The following CPNE6 variants were observed in gnomAD, a reference collection of about 807,000 sequenced individuals.
CPNE6 encodes copine-6.
CPNE6 carries 33 observed loss-of-function variants against 71.5 expected under a neutral mutation model. The observed-to-expected ratio is 0.46, with a 90% CI of 0.35 to 0.62. The LOEUF is 0.62. Ranked by LOEUF, CPNE6 falls within the 20% of genes least tolerant of loss-of-function variation. The pLI is 0.00. For missense variants in CPNE6, 576 were observed against 747.3 expected (o/e 0.77, Z 2.67); for synonymous variants, 296 against 293.0 (o/e 1.01, Z -0.10).
exon 2 of CPNE6, chr14:24,071,623 C>T (rs1238107105): frequency 8.6e-6 from 10 of 1,165,336 alleles, no homozygotes; most frequent in Non-Finnish European, 1.2e-5. Context: ...GAGAGAGGAG[C>T]CCCCGACCGA....
Position 24,073,272 on chromosome 14 carries a change from AC to A in CPNE6, c.168+171del. Among the ~76,000 whole-genome samples, 1 of 152,174 alleles carries A rather than the reference AC, an allele frequency of 6.6e-6. No homozygotes were observed. The highest frequency in any genetic ancestry group is 1.5e-5 in the Non-Finnish European group (1 of 67,990). ...GGTGTCCCAGAGGGTCCTGAGATTG[AC>A]CCAGAGGCAGTGGGGTTGCTCCCAA... On this transcript the variant is annotated intron_variant, in intron 3 of 17. Coordinates refer to ENST00000397016, the Ensembl canonical transcript of CPNE6. This position sits in a 1 kb window ranked among gnomAD's most constrained non-coding sequence, Gnocchi z 5.5.
Position 24,077,818 on chromosome 14 carries a change from C to A in CPNE6, c.*37+51C>A. 1 of 1,371,538 alleles carries A rather than the reference C, an allele frequency of 7.3e-7. No individual in the cohort carries two copies. The highest frequency in any genetic ancestry group is 9.6e-7 in the Non-Finnish European group (1 of 1,043,290). The allele number at this position is 1,371,538 out of a possible 1,614,324, so 85.0% of individuals were successfully genotyped here. On this transcript the variant is annotated intron_variant, in intron 17 of 17. Transcript: ENST00000397016. The surrounding 1 kb of genome is among the most constrained non-coding windows in gnomAD (Gnocchi z 6.1). Reference sequence around the variant, plus strand: ...TGGACACAGGGGGTGCAAAGTGGGGCTTGGTAGAGCCCAACTAGGCTGGGT... The same window carrying A: ...TGGACACAGGGGGTGCAAAGTGGGGATTGGTAGAGCCCAACTAGGCTGGGT...
rs1183852709 is a variant in CPNE6, at chr14:24,077,399, C to T, written c.1536+9C>T. 1 of 1,611,960 alleles carries T rather than the reference C, an allele frequency of 6.2e-7. No individual in the cohort carries two copies. Among genetic ancestry groups the T allele is most frequent in the African/African-American group, 1.3e-5 (1 of 74,832 alleles). On this transcript the variant is annotated intron_variant, in intron 16 of 17. Transcript: ENST00000397016. This position sits in a 1 kb window ranked among gnomAD's most constrained non-coding sequence, Gnocchi z 6.1. ...TCCGAGACTTCAAGGATGTGAGTCC[C>T]CCGGGCCCCTTCCGGCTGAAGGACT...
chr14:24,071,780 G>A (rs918645480), intron 2 of CPNE6, 139 bp downstream of exon 1: 51 of 552,992 alleles, frequency 9.2e-5, no homozygotes, highest in Middle Eastern at 4.6e-4. Context: ...TGCCTATCTC[G>A]GGGACCCCCA....
rs1163496021 is a variant in CPNE6, at chr14:24,074,411, G to C, written c.498+46G>C. The C allele has an allele frequency of 1.9e-6, 3 of 1,553,806 alleles. No individual in the cohort carries two copies. The East Asian group carries it at 6.8e-5, about 35-fold the overall frequency. ...GCCCCCAACTCCCCTGTCACTCCTA[G>C]GCCTCCCACTCAAGACAGATCCCAG... On this transcript the variant is annotated intron_variant, in intron 6 of 17. Coordinates refer to ENST00000397016, the Ensembl canonical transcript of CPNE6. The surrounding 1 kb of genome is among the most constrained non-coding windows in gnomAD (Gnocchi z 4.5).
rs372732697 is a variant in CPNE6 at position 24,071,501 on chromosome 14, G to GCC, written c.-119-18_-119-17dup. 197 of 1,417,516 alleles carry GCC rather than the reference G, an allele frequency of 1.4e-4. 1 individual carries two copies. In the East Asian group the frequency reaches 3.1e-3, roughly 22 times the overall value. 87.8% of individuals were successfully genotyped at this position (1,417,516 alleles called of 1,614,324 possible). A position where few individuals can be genotyped will look rare whatever the true frequency, so the allele number is the denominator to read the frequency against. Reference sequence around the variant, plus strand: ...TCCACGCGGGGGGAGCTGGTGCTGCGCCCCCCCCCACCCCTCCCCATCCAG... The same window carrying GCC: ...TCCACGCGGGGGGAGCTGGTGCTGCGCCCCCCCCCCCACCCCTCCCCATCCAG... On this transcript the variant is annotated intron_variant, in intron 1 of 17. Coordinates refer to ENST00000397016, the Ensembl canonical transcript of CPNE6.
Position 24,073,208 on chromosome 14 carries a change from T to C in CPNE6, c.168+104T>C. 7.8e-7 allele frequency: 1 copy of C among 1,276,626 alleles called. No homozygotes were observed. Among genetic ancestry groups the C allele is most frequent in the African/African-American group, 1.5e-5 (1 of 65,044 alleles). The allele number at this position is 1,276,626 out of a possible 1,614,324, so 79.1% of individuals were successfully genotyped here. A position where few individuals can be genotyped will look rare whatever the true frequency, so the allele number is the denominator to read the frequency against. On this transcript the variant is annotated intron_variant, in intron 3 of 17. Coordinates refer to ENST00000397016, the Ensembl canonical transcript of CPNE6. The surrounding 1 kb of genome is among the most constrained non-coding windows in gnomAD (Gnocchi z 5.5). ...GCCTTGCAGGGAAATGTGTGGACTC[T>C]GCGGCGCCTTCTCGAGGCCGCTTGG...
chr14:24,071,444 C>T (rs2035893649), intron 1 of CPNE6, 118 bp from the exon 1 acceptor site: 1 of 1,500,272 alleles, frequency 6.7e-7, no homozygotes, highest in African/African-American at 1.4e-5. Context: ...AGGCTGTGGC[C>T]CTGCCCCTTC....
chr14:24,072,826 C>CT, intron 2 of CPNE6, 107 bp from the exon 2 acceptor site: 2 of 1,069,206 alleles, frequency 1.9e-6, no homozygotes, highest in Non-Finnish European at 2.5e-6. Context: ...GCCCCAGGGT[C>CT]TAGGGAAGGA....
At position 24,073,100 on chromosome 14, in the gene CPNE6, T is replaced by C; in HGVS notation, c.164T>C (p.Val55Ala). The C allele has an allele frequency of 1.4e-6, 2 of 1,456,562 alleles. No homozygotes were observed. The highest frequency in any genetic ancestry group is 1.5e-5 in the South Asian group (1 of 67,278). The allele number at this position is 1,456,562 out of a possible 1,614,324, so 90.2% of individuals were successfully genotyped here. The change falls in exon 3 of 18, where the codon GTG (valine) becomes GCG (alanine). Residue 55 changes from valine to alanine, a missense_variant. Physicochemically the swap from Val to Ala is moderately conservative, Grantham distance 64 (BLOSUM62 0). Coordinates refer to ENST00000397016, the Ensembl canonical transcript of CPNE6. This position sits in a 1 kb window ranked among gnomAD's most constrained non-coding sequence, Gnocchi z 5.5. The stretch of plus-strand genomic sequence containing the variant: ...AAGCTCTACTCTGATGAGCAGTGGG[T>C]GGAGGTGAGAGCAGCTCAGGTTTCT...
At position 24,073,686 on chromosome 14, in the gene CPNE6, T is replaced by C. The variant is rs761363241; in HGVS notation, c.348+8T>C. The C allele has an allele frequency of 1.2e-6, 2 of 1,608,672 alleles. No individual in the cohort carries two copies. Among genetic ancestry groups the C allele is most frequent in the East Asian group, 4.5e-5 (2 of 44,792 alleles). The stretch of plus-strand genomic sequence containing the variant: ...GAGTGCACCTTGGGCCAGGTCTGCA[T>C]TCCCGGCCTCCCCGGCTACCCTACC... On this transcript the variant is annotated splice_region_variant and intron_variant, in intron 4 of 17. Transcript: ENST00000397016. The surrounding 1 kb of genome is among the most constrained non-coding windows in gnomAD (Gnocchi z 5.5).
In CPNE6 at chr14:24,074,320, C is replaced by T. The variant is rs778919827; in HGVS notation, c.453C>T (p.Asn151=). The stretch of plus-strand genomic sequence containing the variant: ...TGGCCGAGGAGGTATCAGGCACAAA[C>T]GACTATGTGCAACTCACCTTCAGAG... The change falls in exon 6 of 18, where the codon AAC becomes AAT. Residue 151 remains asparagine, a synonymous_variant. Coordinates refer to ENST00000397016, the Ensembl canonical transcript of CPNE6. This position sits in a 1 kb window ranked among gnomAD's most constrained non-coding sequence, Gnocchi z 4.5. 82 of 1,569,760 alleles carry T rather than the reference C, an allele frequency of 5.2e-5. No homozygotes were observed. Among genetic ancestry groups the T allele is most frequent in the Non-Finnish European group, 6.2e-5 (72 of 1,156,440 alleles).
Position 24,074,689 on chromosome 14 carries a change from C to G in CPNE6, c.583-17C>G, listed in dbSNP as rs375598302. On this transcript the variant is annotated splice_polypyrimidine_tract_variant and intron_variant, in intron 7 of 17. Transcript: ENST00000397016. This position sits in a 1 kb window ranked among gnomAD's most constrained non-coding sequence, Gnocchi z 4.5. The stretch of plus-strand genomic sequence containing the variant: ...GACACAGACAGGAGCTGACCAGCCA[C>G]CTGGTGCCTCTCCAAGGTGGTGAAG... The G allele has an allele frequency of 6.2e-7, 1 of 1,614,036 alleles. No individual in the cohort carries two copies. The highest frequency in any genetic ancestry group is 8.5e-7 in the Non-Finnish European group (1 of 1,179,918).
At position 24,075,983 on chromosome 14, in the gene CPNE6, G is replaced by A. The variant is rs1373109007; in HGVS notation, c.924+97G>A. On this transcript the variant is annotated intron_variant, in intron 11 of 17. Coordinates refer to ENST00000397016, the Ensembl canonical transcript of CPNE6. The surrounding 1 kb of genome is among the most constrained non-coding windows in gnomAD (Gnocchi z 4.3). ...AATCTCCACTGCCCCAACTTGGGCT[G>A]CTCATGAGCCTTCGCATTGTCAGCT... 5 of 1,533,212 alleles carry A rather than the reference G, an allele frequency of 3.3e-6. No individual in the cohort carries two copies. The highest frequency in any genetic ancestry group is 4.5e-6 in the Non-Finnish European group (5 of 1,111,088). The allele number at this position is 1,533,212 out of a possible 1,614,324, so 95.0% of individuals were successfully genotyped here.
chr14:24,076,089 G>T, intron 11 of CPNE6, 60 bp from the exon 11 acceptor site: 1 of 1,594,938 alleles, frequency 6.3e-7, no homozygotes, highest in Non-Finnish European at 8.6e-7. Context: ...CCCAGCTCTG[G>T]CCTAGGCAAT....
Position 24,075,765 on chromosome 14 carries a change from C to A in CPNE6, c.865-62C>A. The A allele has an allele frequency of 6.5e-7, 1 of 1,534,214 alleles. No individual in the cohort carries two copies. Among genetic ancestry groups the A allele is most frequent in the Non-Finnish European group, 9.0e-7 (1 of 1,109,122 alleles). ...CCCCATGTTCCCCACAGAAGCCCTA[C>A]CCAAGCTCCCTCCTCAAAGGACCAC... On this transcript the variant is annotated intron_variant, in intron 10 of 17. Coordinates refer to ENST00000397016, the Ensembl canonical transcript of CPNE6. The surrounding 1 kb of genome is among the most constrained non-coding windows in gnomAD (Gnocchi z 4.3).
At chr14:24,076,918 C>A in exon 15 of CPNE6, 5 of 1,613,520 alleles carry the variant, frequency 3.1e-6, no homozygotes, top group Non-Finnish European at 4.2e-6. Flanking sequence ...CGTTGCCTGC[C>A]CCAGATCCAG....
Position 24,073,708 on chromosome 14 carries a change from T to C in CPNE6, c.348+30T>C. On this transcript the variant is annotated intron_variant, in intron 4 of 17. Coordinates refer to ENST00000397016, the Ensembl canonical transcript of CPNE6. This position sits in a 1 kb window ranked among gnomAD's most constrained non-coding sequence, Gnocchi z 5.5. ...GCATTCCCGGCCTCCCCGGCTACCC[T>C]ACCCTACCTCCATCAGCTTTGCCTC... 1.9e-6 allele frequency: 3 copies of C among 1,593,450 alleles called. No homozygotes were observed. The highest frequency in any genetic ancestry group is 2.6e-6 in the Non-Finnish European group (3 of 1,169,474).
In CPNE6 at chr14:24,077,406, C is replaced by G. The variant is rs1420541336; in HGVS notation, c.1536+16C>G. On this transcript the variant is annotated intron_variant, in intron 16 of 17. Transcript: ENST00000397016. This position sits in a 1 kb window ranked among gnomAD's most constrained non-coding sequence, Gnocchi z 6.1. The stretch of plus-strand genomic sequence containing the variant: ...CTTCAAGGATGTGAGTCCCCCGGGC[C>G]CCTTCCGGCTGAAGGACTCCTCAGC... The G allele has an allele frequency of 2.5e-6, 4 of 1,609,192 alleles. No homozygotes were observed. In the Admixed American group the frequency reaches 6.7e-5, roughly 27 times the overall value.
Sources: gnomAD v4.1 joint callset for allele counts (sites outside exome capture counted in the v4.1 genomes callset) on GRCh38, gnomAD v4.1.1 for gene constraint, Gnocchi (gnomAD v3.1) non-coding constraint, MANE v1.5 for transcripts, NCBI Gene and HGNC (gene_info 2026-07-23, HGNC 2026-07-21) for gene names.